The following SLC25A21 variants were observed in gnomAD, a reference collection of about 807,000 sequenced individuals.
SLC25A21 encodes the protein solute carrier family 25 member 21, also known as mitochondrial 2-oxodicarboxylate carrier.
Under a neutral mutation model 43.8 loss-of-function variants are expected in SLC25A21, and 47 were observed. The ratio of observed to expected loss-of-function variants is 1.07; its 90% confidence interval spans 0.85 to 1.37. The LOEUF is 1.37. Among genes scored for constraint, SLC25A21 ranks in the 40% most tolerant of loss-of-function variants. The pLI, the probability that SLC25A21 is intolerant of heterozygous loss-of-function variation, is 0.00. For missense variants in SLC25A21, 352 were observed against 350.2 expected (o/e 1.00, Z -0.04); for synonymous variants, 131 against 121.3 (o/e 1.08, Z -0.52).
chr14:36,762,879 A>T (rs2774038), intron 3 of SLC25A21, among the ~76,000 whole-genome samples: 24,276 of 152,204 alleles, frequency 0.16, 2,217 homozygotes, highest in Middle Eastern at 0.25. Flanking sequence ...AGCAGAGTTT[A>T]AGAATACGTC....
At chr14:36,761,515 G>A (rs1350857785) in intron 3 of SLC25A21, among the ~76,000 whole-genome samples, 2 of 152,202 alleles carry the variant, frequency 1.3e-5, no homozygotes, top group African/African-American at 4.8e-5. Context: ...ATTACTGAAA[G>A]TCAGTTAATC....
At chr14:36,811,679 C>CA (rs368741511) in intron 3 of SLC25A21, among the ~76,000 whole-genome samples, 8 of 151,702 alleles carry the variant, frequency 5.3e-5, no homozygotes, top group East Asian at 1.9e-4. Flanking sequence ...CAAAACAAAA[C>CA]AAAAAAAGGC....
At chr14:37,073,111 C>G (rs892080317) in intron 1 of SLC25A21, among the ~76,000 whole-genome samples, 2 of 152,196 alleles carry the variant, frequency 1.3e-5, no homozygotes, top group Non-Finnish European at 2.9e-5. Flanking sequence ...TTGACCTTCA[C>G]GCTGTTTCTC....
chr14:36,767,948 AAT>A (rs1886475781), intron 3 of SLC25A21, among the ~76,000 whole-genome samples: 1 of 152,198 alleles, frequency 6.6e-6, no homozygotes, highest in South Asian at 2.1e-4. Context: ...TGGCCCTGCA[AAT>A]ATTGCTGTGA....
rs1037326909 is a variant in SLC25A21 at position 36,679,414 on chromosome 14, G to A, written c.*1244C>T. 51 of 983,882 alleles carry A rather than the reference G, an allele frequency of 5.2e-5. No homozygotes were observed. The highest frequency in any genetic ancestry group is 9.4e-5 in the South Asian group (2 of 21,230). 60.9% of individuals were successfully genotyped at this position (983,882 alleles called of 1,614,324 possible). A position where few individuals can be genotyped will look rare whatever the true frequency, so the allele number is the denominator to read the frequency against. On this transcript the variant is annotated 3_prime_UTR_variant, in exon 10 of 10. Transcript: ENST00000331299. ...CAAAATGCTTTAGTGAAATAGCCCCGTAGTAGAAATAGCCCACGGTAGTAA... is the reference window on the plus strand; with the variant it reads ...CAAAATGCTTTAGTGAAATAGCCCCATAGTAGAAATAGCCCACGGTAGTAA...
At chr14:37,083,025 T>G (rs1169030233) in intron 1 of SLC25A21, among the ~76,000 whole-genome samples, 1 of 152,214 alleles carries the variant, frequency 6.6e-6, no homozygotes, top group Non-Finnish European at 1.5e-5. Context: ...AACGCTCAAC[T>G]GTAACTGTCT....
chr14:36,800,149 T>A (rs943234513), intron 3 of SLC25A21, among the ~76,000 whole-genome samples: 1 of 152,204 alleles, frequency 6.6e-6, no homozygotes, highest in Non-Finnish European at 1.5e-5. Flanking sequence ...ATAATTCTCA[T>A]AGCTTTTTTA....
At chr14:36,745,551 T>C (rs920189440) in intron 3 of SLC25A21, among the ~76,000 whole-genome samples, 1 of 152,160 alleles carries the variant, frequency 6.6e-6, no homozygotes, top group African/African-American at 2.4e-5. Context: ...TGGCATGAGA[T>C]GGTATCTCAT....
intron 1 of SLC25A21, among the ~76,000 whole-genome samples, chr14:36,934,876 T>C (rs1303035901): frequency 1.3e-5 from 2 of 152,112 alleles, no homozygotes; most frequent in Non-Finnish European, 2.9e-5. Context: ...TTAATTGCCT[T>C]GCTTTTTCAT....
intron 1 of SLC25A21, among the ~76,000 whole-genome samples, chr14:36,911,712 A>G (rs1037557135): frequency 6.6e-6 from 1 of 152,122 alleles, no homozygotes; most frequent in African/African-American, 2.4e-5. Flanking sequence ...AGCCCCAGCC[A>G]CTATCTGATT....
At chr14:36,929,529 G>A (rs546698479) in intron 1 of SLC25A21, among the ~76,000 whole-genome samples, 3 of 152,178 alleles carry the variant, frequency 2.0e-5, no homozygotes, top group Non-Finnish European at 4.4e-5. Context: ...AGAATATTAA[G>A]GAAAAGAAGA....
chr14:36,900,930 A>G (rs1159301849), intron 1 of SLC25A21, among the ~76,000 whole-genome samples: 1 of 152,224 alleles, frequency 6.6e-6, no homozygotes, highest in Non-Finnish European at 1.5e-5. Flanking sequence ...TACAATCCAC[A>G]ATTCAATTTG....
intron 2 of SLC25A21, among the ~76,000 whole-genome samples, chr14:36,861,914 C>CA (rs1890075349): frequency 1.3e-5 from 2 of 151,798 alleles, no homozygotes; most frequent in South Asian, 2.1e-4. Flanking sequence ...GGAACTTAAA[C>CA]AAAAAACAAA....
chr14:37,042,573 G>A (rs1418613412), intron 1 of SLC25A21, among the ~76,000 whole-genome samples: 1 of 152,120 alleles, frequency 6.6e-6, no homozygotes, highest in Non-Finnish European at 1.5e-5. Context: ...AATTTAATAT[G>A]TAAAATATGT....
intron 1 of SLC25A21, among the ~76,000 whole-genome samples, chr14:36,890,412 A>T (rs1436188401): frequency 6.6e-6 from 1 of 152,166 alleles, no homozygotes; most frequent in South Asian, 2.1e-4. Context: ...CCAAGGACTT[A>T]GGCTTGCAAG....
At chr14:36,810,961 GTCA>G (rs1194549315) in intron 3 of SLC25A21, among the ~76,000 whole-genome samples, 99 of 149,896 alleles carry the variant, frequency 6.6e-4, no homozygotes, top group Non-Finnish European at 9.4e-4. Context: ...AGAAAAGAGG[GTCA>G]GGGAGGGTGA....
intron 1 of SLC25A21, among the ~76,000 whole-genome samples, chr14:37,104,910 T>G (rs143046589): frequency 6.6e-6 from 1 of 152,188 alleles, no homozygotes; most frequent in Non-Finnish European, 1.5e-5. Flanking sequence ...GCCTCTGAAA[T>G]ACAGCAGATC....
At chr14:36,734,078 A>T (rs1884936621) in intron 4 of SLC25A21, among the ~76,000 whole-genome samples, 1 of 152,088 alleles carries the variant, frequency 6.6e-6, no homozygotes, top group Non-Finnish European at 1.5e-5. Context: ...GAAATATGGT[A>T]TATTGGTTTA....
chr14:36,948,153 C>A (rs1011918015), intron 1 of SLC25A21, among the ~76,000 whole-genome samples: 3 of 152,146 alleles, frequency 2.0e-5, no homozygotes, highest in African/African-American at 4.8e-5. Context: ...TGTACACATT[C>A]CCTGACAAAT....
Sources: gnomAD v4.1 joint callset for allele counts (sites outside exome capture counted in the v4.1 genomes callset) on GRCh38, gnomAD v4.1.1 for gene constraint, MANE v1.5 for transcripts, NCBI Gene and HGNC (gene_info 2026-07-23, HGNC 2026-07-21) for gene names.